Variants in DNER observed in about 807,000 individuals in gnomAD.
DNER encodes delta and Notch-like epidermal growth factor-related receptor.
A neutral mutation model predicts 78.2 loss-of-function variants in DNER; 33 were observed. The ratio of observed to expected loss-of-function variants is 0.42; its 90% CI spans 0.32 to 0.56. The LOEUF (loss-of-function observed/expected upper bound fraction) is 0.56. DNER is among the 20% of genes least tolerant of loss of function. DNER has a pLI of 0.11. For missense variants in DNER, 918 were observed against 975.3 expected, an observed-to-expected ratio of 0.94 and a Z score of 0.78; for synonymous variants, 417 against 384.8, an observed-to-expected ratio of 1.08 and a Z score of -0.98.
intron 11 of DNER, 102 bp from the exon 12 acceptor site, chr2:229,367,221 T>G: frequency 6.7e-7 from 1 of 1,483,696 alleles, no homozygotes; most frequent in Non-Finnish European, 9.0e-7. Flanking sequence ...CTAAGGGCCA[T>G]TCAAACTTGG....
At chr2:229,599,816 C>G (rs1574921386) in intron 1 of DNER, among the ~76,000 whole-genome samples, 1 of 152,248 alleles carries the variant, frequency 6.6e-6, no homozygotes, top group South Asian at 2.1e-4. Flanking sequence ...ACAAAATAAA[C>G]AGTCTACAGA....
intron 8 of DNER, among the ~76,000 whole-genome samples, chr2:229,431,471 G>A (rs907459454): frequency 6.6e-6 from 1 of 151,554 alleles, no homozygotes; most frequent in African/African-American, 2.4e-5. Context: ...TAGTCACACT[G>A]AGAAAAATCA....
intron 1 of DNER, among the ~76,000 whole-genome samples, chr2:229,613,621 C>T (rs925469761): frequency 1.3e-5 from 2 of 151,012 alleles, no homozygotes; most frequent in Admixed American, 1.3e-4. Context: ...TTTTACTATA[C>T]TCTACATTTC....
chr2:229,373,832 C>T (rs1375055238), intron 11 of DNER, among the ~76,000 whole-genome samples: 1 of 152,130 alleles, frequency 6.6e-6, no homozygotes, highest in Non-Finnish European at 1.5e-5. Flanking sequence ...AGTGAATTAA[C>T]ATAGGAGCAG....
chr2:229,648,220 A>T (rs1698753651), intron 1 of DNER, among the ~76,000 whole-genome samples: 1 of 152,162 alleles, frequency 6.6e-6, no homozygotes, highest in Non-Finnish European at 1.5e-5. Flanking sequence ...CTTTCCCATT[A>T]ACCTAGATAC....
intron 1 of DNER, among the ~76,000 whole-genome samples, chr2:229,654,126 C>G (rs768572779): frequency 1.4e-4 from 21 of 152,110 alleles, no homozygotes; most frequent in Non-Finnish European, 2.2e-4. Flanking sequence ...CCCCCCACCC[C>G]ACCACATGCC....
At chr2:229,509,556 G>A (rs1350178701) in intron 6 of DNER, among the ~76,000 whole-genome samples, 4 of 152,250 alleles carry the variant, frequency 2.6e-5, no homozygotes, top group African/African-American at 7.2e-5. Context: ...GCGCACACCT[G>A]TAATTCCAGG....
intron 8 of DNER, among the ~76,000 whole-genome samples, chr2:229,422,260 A>T (rs531608061): frequency 2.7e-4 from 41 of 152,346 alleles, no homozygotes; most frequent in African/African-American, 8.7e-4. Flanking sequence ...CTGATAATTA[A>T]TTCAGGCAAA....
intron 10 of DNER, among the ~76,000 whole-genome samples, chr2:229,401,098 G>A (rs1461650351): frequency 1.3e-5 from 2 of 151,934 alleles, no homozygotes; most frequent in Non-Finnish European, 2.9e-5. Flanking sequence ...TTATCATTAG[G>A]GGAATTCAAA....
At chr2:229,490,588 G>T (rs1695378378) in intron 6 of DNER, among the ~76,000 whole-genome samples, 1 of 152,120 alleles carries the variant, frequency 6.6e-6, no homozygotes, top group Non-Finnish European at 1.5e-5. Context: ...GGGGAGGATG[G>T]TAGGGCCACA....
intron 8 of DNER, among the ~76,000 whole-genome samples, chr2:229,437,577 A>G (rs926521718): frequency 2.0e-5 from 3 of 152,242 alleles, no homozygotes; most frequent in Non-Finnish European, 4.4e-5. Flanking sequence ...GTAGACTACC[A>G]TAAGTCACAA....
At chr2:229,478,012 A>G (rs1224698065) in intron 6 of DNER, among the ~76,000 whole-genome samples, 1 of 152,228 alleles carries the variant, frequency 6.6e-6, no homozygotes, top group Non-Finnish European at 1.5e-5. Context: ...TTGAAAACAA[A>G]GCCCCTGGAG....
chr2:229,713,956 G>T (rs1454810512), intron 1 of DNER, among the ~76,000 whole-genome samples, 192 bp downstream of exon 1: 1 of 152,172 alleles, frequency 6.6e-6, no homozygotes. Flanking sequence ...CGGGAACCAG[G>T]GCGGGTAAGG....
Position 229,447,428 on chromosome 2 carries a change from C to T in DNER, c.1374G>A (p.Pro458=), listed in dbSNP as rs776470479. 1.1e-5 allele frequency: 18 copies of T among 1,614,028 alleles called. No individual in the cohort carries two copies. The highest frequency in any genetic ancestry group is 8.8e-5 in the South Asian group (8 of 91,024). The part of the protein sequence containing the change: ...DGVHFTCNCS[P]GFTGPTCAQL... ...GGGCACAGGTCGGCCCTGTGAAGCC[C>T]GGGCTGCAGTTGCAGGTAAAGTGTA... Residue 458 remains proline (P), a synonymous_variant, in exon 8 of 13, where the codon CCG becomes CCA. Transcript: ENST00000341772.
At chr2:229,566,207 G>A (rs1332769833) in intron 4 of DNER, among the ~76,000 whole-genome samples, 2 of 152,160 alleles carry the variant, frequency 1.3e-5, no homozygotes, top group Admixed American at 6.5e-5. Flanking sequence ...ATGTTTACCT[G>A]CCTGGCTATT....
chr2:229,561,154 C>T (rs778930953), intron 4 of DNER, among the ~76,000 whole-genome samples: 13 of 152,212 alleles, frequency 8.5e-5, no homozygotes, highest in South Asian at 4.2e-4. Flanking sequence ...CTCTGGGTTC[C>T]TAAGTAAAGT....
At chr2:229,585,341 C>G (rs544530334) in intron 4 of DNER, among the ~76,000 whole-genome samples, 3 of 152,292 alleles carry the variant, frequency 2.0e-5, no homozygotes, top group Admixed American at 1.3e-4. Context: ...AGAGCCCATG[C>G]CTTTCCACTT....
chr2:229,611,581 C>G (rs943492308), intron 1 of DNER, among the ~76,000 whole-genome samples: 1 of 152,196 alleles, frequency 6.6e-6, no homozygotes, highest in African/African-American at 2.4e-5. Context: ...ACAGAACAGG[C>G]TTATCGGCAA....
At chr2:229,517,299 G>C (rs1695998981) in intron 5 of DNER, among the ~76,000 whole-genome samples, 1 of 152,166 alleles carries the variant, frequency 6.6e-6, no homozygotes, top group South Asian at 2.1e-4. Flanking sequence ...TTATATTCTA[G>C]TAGCGTTGAC....
Sources: gnomAD v4.1 joint callset for allele counts (sites outside exome capture counted in the v4.1 genomes callset) on GRCh38, gnomAD v4.1.1 for gene constraint, MANE v1.5 for transcripts, NCBI Gene and HGNC (gene_info 2026-07-23, HGNC 2026-07-21) for gene names.